The following CCNF variants were observed in gnomAD, a reference collection of about 807,000 sequenced individuals.
CCNF encodes the protein cyclin-F.
A neutral mutation model predicts 85.4 loss-of-function variants in CCNF; 30 were observed. The ratio of observed to expected loss-of-function variants is 0.35; its 90% confidence interval spans 0.26 to 0.48. The LOEUF is 0.48. CCNF is among the 20% of genes least tolerant of loss of function. The pLI is 0.99. For missense variants in CCNF, 919 were observed against 1,010.4 expected (o/e 0.91, Z 1.23); for synonymous variants, 439 against 425.1 (o/e 1.03, Z -0.40).
intron 15 of CCNF, 124 bp from the exon 16 acceptor site, chr16:2,455,271 C>A: frequency 3.9e-6 from 5 of 1,268,110 alleles, no homozygotes; most frequent in East Asian, 2.6e-5. Context: ...TTCTTCGTAG[C>A]AGAACCTTTG....
intron 1 of CCNF, chr16:2,430,867 C>A: frequency 1.7e-6 from 1 of 586,902 alleles, no homozygotes; most frequent in Non-Finnish European, 3.2e-6. Context: ...TCCCAATAGC[C>A]AAGTTACATG....
chr16:2,447,556 C>G (rs921914039), intron 10 of CCNF, among the ~76,000 whole-genome samples: 4 of 152,134 alleles, frequency 2.6e-5, no homozygotes, highest in Non-Finnish European at 5.9e-5. Context: ...TGCACTGCAG[C>G]CTGGGCAATG....
intron 6 of CCNF, among the ~76,000 whole-genome samples, chr16:2,438,325 C>T (rs929574145): frequency 5.3e-5 from 8 of 152,194 alleles, no homozygotes; most frequent in African/African-American, 1.9e-4. Flanking sequence ...ACCCGCCTGG[C>T]AGGGGAGTGG....
At position 2,456,771 on chromosome 16, in the gene CCNF, C is replaced by T. The variant is rs373727270; in HGVS notation, c.2112C>T (p.Ser704=). ...ACGTCACGACCTCAGGGTACTCCTC[C>T]GTCAGCACCGCAAGTCCCACAAGCT... ...GKDVTTSGYS[S]VSTASPTSSV... The change falls in exon 17 of 17, where the codon TCC becomes TCT. Residue 704 remains serine (S), a synonymous_variant. Transcript: ENST00000397066. This position sits in a 1 kb window ranked among gnomAD's most constrained non-coding sequence, Gnocchi z 4.5. 248 of 1,613,218 alleles carry T rather than the reference C, an allele frequency of 1.5e-4. No homozygotes were observed. Among genetic ancestry groups the T allele is most frequent in the Middle Eastern group, 6.6e-4 (4 of 6,058 alleles).
Position 2,456,432 on chromosome 16 carries a change from A to C in CCNF, c.1886-113A>C. On this transcript the variant is annotated intron_variant, in intron 16 of 16. Transcript: ENST00000397066. This position sits in a 1 kb window ranked among gnomAD's most constrained non-coding sequence, Gnocchi z 4.5. ...TCACCACAGGAGGGTAACACAGGGG[A>C]CCGTAGCAAGGTAGAAGATTCTTGA... The C allele has an allele frequency of 1.5e-6, 1 of 676,916 alleles. No homozygotes were observed. Among genetic ancestry groups the C allele is most frequent in the South Asian group, 2.3e-5 (1 of 44,426 alleles). The allele number at this position is 676,916 out of a possible 1,614,324, so 41.9% of individuals were successfully genotyped here.
chr16:2,455,258 ATCT>A (rs1285593103), intron 15 of CCNF, 134 bp from the exon 16 acceptor site: 14 of 1,172,204 alleles, frequency 1.2e-5, no homozygotes, highest in South Asian at 7.3e-5. Flanking sequence ...CTTCACCGGC[ATCT>A]TCTTCGTAGC....
intron 3 of CCNF, among the ~76,000 whole-genome samples, chr16:2,433,883 A>T (rs987447501): frequency 6.6e-6 from 1 of 152,252 alleles, no homozygotes; most frequent in African/African-American, 2.4e-5. Context: ...CTGAGTTGCC[A>T]GAAATCCAGA....
Position 2,457,366 on chromosome 16 carries a change from C to G in CCNF, c.*346C>G, listed in dbSNP as rs1293460336. On this transcript the variant is annotated 3_prime_UTR_variant, in exon 17 of 17. Coordinates refer to ENST00000397066, the MANE Select transcript of CCNF (RefSeq NM_001761.3). ...TCCCAGCCCCACCAGAGCCCCGTGC[C>G]GGGAGCTGACAGCTTTCACGCTTAA... 1.0e-5 allele frequency: 2 copies of G among 196,890 alleles called. No individual in the cohort carries two copies. Among genetic ancestry groups the G allele is most frequent in the Non-Finnish European group, 2.1e-5 (2 of 96,178 alleles). 12.2% of individuals were successfully genotyped at this position (196,890 alleles called of 1,614,324 possible).
intron 7 of CCNF, 128 bp downstream of exon 7, chr16:2,439,585 G>A (rs968362417): frequency 1.8e-5 from 16 of 889,734 alleles, no homozygotes; most frequent in Non-Finnish European, 2.7e-5. Flanking sequence ...CTCAGCCTCC[G>A]GGAACCACTG....
chr16:2,457,147 C>G lies in CCNF; in HGVS notation c.*127C>G. On this transcript the variant is annotated 3_prime_UTR_variant, in exon 17 of 17. Coordinates refer to ENST00000397066, the MANE Select transcript of CCNF (RefSeq NM_001761.3). ...CGCAGAGAGCAGAGAGGATGACTTGCGGCCACCAAGTTTCTGTCTCCGCGG... is the reference window on the plus strand; with the variant it reads ...CGCAGAGAGCAGAGAGGATGACTTGGGGCCACCAAGTTTCTGTCTCCGCGG... 1.5e-6 allele frequency: 1 copy of G among 686,292 alleles called. No individual in the cohort carries two copies. The highest frequency in any genetic ancestry group is 2.4e-6 in the Non-Finnish European group (1 of 422,010). The allele number at this position is 686,292 out of a possible 1,614,324, so 42.5% of individuals were successfully genotyped here.
Position 2,453,161 on chromosome 16 carries a change from A to T in CCNF, c.1488-49A>T. ...TCACTTCAGTGAACTGAAGCTAAAAATGGGGTGGGGGTGCCTCACATGTCC... is the reference window on the plus strand; with the variant it reads ...TCACTTCAGTGAACTGAAGCTAAAATTGGGGTGGGGGTGCCTCACATGTCC... On this transcript the variant is annotated intron_variant, in intron 13 of 16. Coordinates refer to ENST00000397066, the MANE Select transcript of CCNF (RefSeq NM_001761.3). This position sits in a 1 kb window ranked among gnomAD's most constrained non-coding sequence, Gnocchi z 5.6. 6.6e-7 allele frequency: 1 copy of T among 1,518,850 alleles called. No homozygotes were observed. Among genetic ancestry groups the T allele is most frequent in the Admixed American group, 1.7e-5 (1 of 59,776 alleles). 94.1% of individuals were successfully genotyped at this position (1,518,850 alleles called of 1,614,324 possible).
Position 2,456,517 on chromosome 16 carries a change from A to G in CCNF, c.1886-28A>G, listed in dbSNP as rs1382042582. 4 of 1,459,410 alleles carry G rather than the reference A, an allele frequency of 2.7e-6. No homozygotes were observed. Among genetic ancestry groups the G allele is most frequent in the South Asian group, 1.4e-5 (1 of 73,790 alleles). The allele number at this position is 1,459,410 out of a possible 1,614,324, so 90.4% of individuals were successfully genotyped here. On this transcript the variant is annotated intron_variant, in intron 16 of 16. Coordinates refer to ENST00000397066, the MANE Select transcript of CCNF (RefSeq NM_001761.3). This position sits in a 1 kb window ranked among gnomAD's most constrained non-coding sequence, Gnocchi z 4.5. ...TCCCCTGATGCTTGGGTGTGACATG[A>G]CTTCCCTCCCCACCAACCTTCCTGC... is the stretch of plus-strand genomic sequence containing the variant.
At chr16:2,442,872 ATT>A (rs1295699887) in intron 8 of CCNF, among the ~76,000 whole-genome samples, 7 of 33,430 alleles carry the variant, frequency 2.1e-4, no homozygotes, top group Admixed American at 6.1e-4. Context: ...TATTATATAT[ATT>A]ATATTATAAT....
In CCNF at chr16:2,453,114, C is replaced by T; in HGVS notation, c.1488-96C>T. On this transcript the variant is annotated intron_variant, in intron 13 of 16. Transcript: ENST00000397066. The surrounding 1 kb of genome is among the most constrained non-coding windows in gnomAD (Gnocchi z 5.6). ...GCCAGGTCAGATTCCAGAGTGACTGCACCATTTTGCATTCTCATTGCTCAC... is the reference window on the plus strand; with the variant it reads ...GCCAGGTCAGATTCCAGAGTGACTGTACCATTTTGCATTCTCATTGCTCAC... 9.9e-7 allele frequency: 1 copy of T among 1,008,374 alleles called. No individual in the cohort carries two copies. The highest frequency in any genetic ancestry group is 1.6e-6 in the Non-Finnish European group (1 of 639,674). 62.5% of individuals were successfully genotyped at this position (1,008,374 alleles called of 1,614,324 possible).
rs1342212727 is a variant in CCNF, at chr16:2,458,536, C to T, written c.*1516C>T. ...AAGTGCTGGGATTACAGGCATGAGC[C>T]ACGGCGCCTGGCCCCCAAATGCTCT... is the stretch of plus-strand genomic sequence containing the variant. On this transcript the variant is annotated 3_prime_UTR_variant, in exon 17 of 17. Coordinates refer to ENST00000397066, the MANE Select transcript of CCNF (RefSeq NM_001761.3). The T allele has an allele frequency of 6.6e-6, 1 of 152,434 alleles. No homozygotes were observed. The highest frequency in any genetic ancestry group is 6.5e-5 in the Admixed American group (1 of 15,290). The allele number at this position is 152,434 out of a possible 1,614,324, so 9.4% of individuals were successfully genotyped here.
chr16:2,455,565 G>A lies in CCNF; in HGVS notation c.1885+1G>A. ...AGTGAGGGCGAGAAGGAGGGCGACG[G>A]TGAGTGTGGGGCCAGGGTGCACCAG... On this transcript the variant is annotated splice_donor_variant, in intron 16 of 16. Coordinates refer to ENST00000397066, the MANE Select transcript of CCNF (RefSeq NM_001761.3). LOFTEE classifies it high-confidence loss of function. The A allele has an allele frequency of 1.3e-6, 2 of 1,592,402 alleles. No homozygotes were observed.
chr16:2,441,976 TA>T (rs2065324843), intron 8 of CCNF, among the ~76,000 whole-genome samples: 19 of 132,584 alleles, frequency 1.4e-4, no homozygotes, highest in Non-Finnish European at 1.9e-4. Context: ...TATATATATA[TA>T]TATATGTTTT....
At chr16:2,443,035 TA>T (rs1185571252) in intron 8 of CCNF, among the ~76,000 whole-genome samples, 4 of 120,050 alleles carry the variant, frequency 3.3e-5, no homozygotes, top group South Asian at 2.2e-4. Context: ...CTATAATATA[TA>T]ATATAATATT....
chr16:2,449,715 C>A (rs1596928052), intron 12 of CCNF, 113 bp from the exon 13 acceptor site: 1 of 793,858 alleles, frequency 1.3e-6, no homozygotes, highest in Non-Finnish European at 2.1e-6. Flanking sequence ...ACAGCAGAGC[C>A]CACAGAGCTA....
Sources: gnomAD v4.1 joint callset for allele counts (sites outside exome capture counted in the v4.1 genomes callset) on GRCh38, gnomAD v4.1.1 for gene constraint, Gnocchi (gnomAD v3.1) non-coding constraint, MANE v1.5 for transcripts, NCBI Gene and HGNC (gene_info 2026-07-23, HGNC 2026-07-21) for gene names.